The following PARG variants were observed in gnomAD, a reference collection of about 807,000 sequenced individuals.
PARG encodes the protein mitochondrial poly(ADP-ribose) glycohydrolase.
Under a neutral mutation model 113.0 loss-of-function variants are expected in PARG, and 35 were observed. That is an observed-to-expected ratio of 0.31 (90% CI 0.24 to 0.41). The LOEUF is 0.41. Among genes scored for constraint, PARG ranks in the 10% least tolerant of loss-of-function variants. The probability of loss-of-function intolerance (pLI) is 1.00; values close to 1 mark genes in which losing one functional copy is unlikely to be tolerated. For synonymous variants in PARG, 330 were observed against 409.9 expected, an observed-to-expected ratio of 0.81 and a Z score of 2.36; for missense variants, 797 against 1,169.4, an observed-to-expected ratio of 0.68 and a Z score of 4.64.
intron 7 of PARG, among the ~76,000 whole-genome samples, chr10:49,910,804 GTA>G (rs1400205606): frequency 6.6e-6 from 1 of 152,124 alleles, no homozygotes; most frequent in East Asian, 1.9e-4. Context: ...AAATATATAT[GTA>G]TAGTCTAATG....
chr10:49,927,127 T>C (rs1554850765), intron 4 of PARG, among the ~76,000 whole-genome samples: 1 of 151,892 alleles, frequency 6.6e-6, no homozygotes, highest in East Asian at 1.9e-4. Flanking sequence ...GCCAACATGG[T>C]GAAACCTCAT....
intron 7 of PARG, among the ~76,000 whole-genome samples, chr10:49,901,845 A>G (rs1262646996): frequency 6.6e-6 from 1 of 152,214 alleles, no homozygotes; most frequent in East Asian, 1.9e-4. Context: ...GTTTCCCAGT[A>G]GAAGGATGTC....
chr10:49,821,808 A>G (rs1413532482), intron 16 of PARG, among the ~76,000 whole-genome samples: 1 of 152,222 alleles, frequency 6.6e-6, no homozygotes, highest in African/African-American at 2.4e-5. Flanking sequence ...ACTAAAATAA[A>G]TGAGCGTAAT....
chr10:49,931,112 T>A (rs1366578060), intron 4 of PARG, among the ~76,000 whole-genome samples: 1 of 150,860 alleles, frequency 6.6e-6, no homozygotes, highest in Non-Finnish European at 1.5e-5. Context: ...GTTAGTATAG[T>A]GTTATGATAT....
intron 4 of PARG, among the ~76,000 whole-genome samples, chr10:49,930,485 T>C (rs1311712156): frequency 6.6e-6 from 1 of 152,214 alleles, no homozygotes; most frequent in African/African-American, 2.4e-5. Context: ...CCCTGTGATA[T>C]GAACCCAATC....
At chr10:49,843,782 T>C in intron 13 of PARG, 150 bp from the exon 14 acceptor site, 1 of 593,786 alleles carries the variant, frequency 1.7e-6, no homozygotes, top group South Asian at 2.2e-5. Context: ...CAAAAAGGCA[T>C]AAAGAATGTA....
intron 16 of PARG, among the ~76,000 whole-genome samples, chr10:49,829,479 T>A (rs1199666622): frequency 6.6e-6 from 1 of 152,130 alleles, no homozygotes; most frequent in African/African-American, 2.4e-5. Flanking sequence ...GAACATTTTT[T>A]ATAAGATTTT....
intron 14 of PARG, among the ~76,000 whole-genome samples, chr10:49,842,905 C>A (rs563986467): frequency 6.6e-6 from 1 of 152,106 alleles, no homozygotes; most frequent in Non-Finnish European, 1.5e-5. Context: ...AAATTTGTGG[C>A]ACGTGGGCAA....
intron 16 of PARG, among the ~76,000 whole-genome samples, chr10:49,826,712 A>G (rs1323826362): frequency 3.3e-5 from 5 of 152,208 alleles, no homozygotes; most frequent in African/African-American, 1.2e-4. Flanking sequence ...GTGTTTCTTG[A>G]TCCCTGGCTA....
chr10:49,927,453 C>T (rs1331676189), intron 4 of PARG, among the ~76,000 whole-genome samples: 1 of 151,190 alleles, frequency 6.6e-6, no homozygotes, highest in Non-Finnish European at 1.5e-5. Flanking sequence ...TATAGGTGAT[C>T]ACTAAAACCA....
At chr10:49,937,871 CAG>C (rs1189921502) in intron 1 of PARG, among the ~76,000 whole-genome samples, 4 of 152,190 alleles carry the variant, frequency 2.6e-5, no homozygotes, top group Non-Finnish European at 5.9e-5. Context: ...CTTAGGGCCT[CAG>C]AGAAAGGACT....
chr10:49,820,579 G>A (rs1051979466), intron 16 of PARG, among the ~76,000 whole-genome samples: 5 of 151,876 alleles, frequency 3.3e-5, no homozygotes, highest in Non-Finnish European at 5.9e-5. Flanking sequence ...AAATTTAGCC[G>A]GGTGTGGTGG....
intron 1 of PARG, among the ~76,000 whole-genome samples, chr10:49,940,354 C>T (rs1355860547): frequency 5.5e-5 from 8 of 145,066 alleles, no homozygotes; most frequent in Non-Finnish European, 1.0e-4. Context: ...CACTCCCCTA[C>T]TAAAAACCCT....
chr10:49,848,516 TGTA>T (rs1845616141), intron 13 of PARG, among the ~76,000 whole-genome samples: 1 of 147,104 alleles, frequency 6.8e-6, no homozygotes, highest in Non-Finnish European at 1.5e-5. Context: ...AAAAATAATT[TGTA>T]TTTTAATTAT....
At chr10:49,937,722 C>T (rs1554852429) in intron 1 of PARG, among the ~76,000 whole-genome samples, 28,924 of 152,086 alleles carry the variant, frequency 0.19, 3,286 homozygotes, top group Non-Finnish European at 0.27. Context: ...AAGAAGAGAG[C>T]TCTCTCCTGT....
chr10:49,880,275 A>G (rs1331031139), intron 8 of PARG, among the ~76,000 whole-genome samples: 8 of 152,254 alleles, frequency 5.3e-5, no homozygotes, highest in Admixed American at 3.9e-4. Flanking sequence ...ATAATTCAAC[A>G]AATAAGTCTT....
intron 10 of PARG, among the ~76,000 whole-genome samples, chr10:49,868,572 G>A (rs61846915): frequency 0.19 from 28,824 of 151,964 alleles, 3,216 homozygotes; most frequent in Non-Finnish European, 0.27. Flanking sequence ...AAGGATATGA[G>A]AAAAATGACC....
chr10:49,904,597 T>C (rs1308694607), intron 7 of PARG, among the ~76,000 whole-genome samples: 2 of 151,702 alleles, frequency 1.3e-5, no homozygotes, highest in African/African-American at 4.8e-5. Context: ...TGTATTTTGC[T>C]ATGAATCTAA....
rs781928566 is a variant in PARG, at chr10:49,920,451, T to TAAAAAAAAAAAAAAA, written c.1662+1884_1662+1885insTTTTTTTTTTTTTTT. 4.8e-4 allele frequency among the ~76,000 whole-genome samples: 19 copies of TAAAAAAAAAAAAAAA among 39,848 alleles called. 2 individuals are homozygous for TAAAAAAAAAAAAAAA. The highest frequency in any genetic ancestry group is 7.9e-4 in the Non-Finnish European group (18 of 22,784). 26.1% of individuals were successfully genotyped at this position (39,848 alleles called of 152,430 possible). ...GATGGAGCAAGACCCAGCCTCAAAT[T>TAAAAAAAAAAAAAAA]AAAAAAAAAAAAATATATATATATA... On this transcript the variant is annotated intron_variant, in intron 6 of 17. Coordinates refer to ENST00000616448, the MANE Select transcript of PARG (RefSeq NM_003631.5).
Sources: gnomAD v4.1 joint callset for allele counts (sites outside exome capture counted in the v4.1 genomes callset) on GRCh38, gnomAD v4.1.1 for gene constraint, MANE v1.5 for transcripts, NCBI Gene and HGNC (gene_info 2026-07-23, HGNC 2026-07-21) for gene names.